POU3F1: variants seen among roughly 807,000 people sequenced by gnomAD.
The protein encoded by POU3F1 is POU domain, class 3, transcription factor 1.
A neutral mutation model predicts 7.6 loss-of-function variants in POU3F1; 1 was observed. The observed-to-expected ratio is 0.13, with a 90% CI of 0.05 to 0.62. The LOEUF is 0.62. Among genes scored for constraint, POU3F1 ranks in the 20% least tolerant of loss-of-function variants. The pLI, the probability that POU3F1 is intolerant of heterozygous loss-of-function variation, is 0.87. For missense variants in POU3F1, 505 were observed against 679.3 expected (o/e 0.74, Z 2.85); for synonymous variants, 354 against 339.0 (o/e 1.04, Z -0.49).
Position 38,046,642 on chromosome 1 carries a change from C to CGCT in POU3F1, c.101_102insAGC (p.Ala37dup). The CGCT allele has an allele frequency of 7.8e-7, 1 of 1,287,942 alleles. No individual in the cohort carries two copies. Among genetic ancestry groups the CGCT allele is most frequent in the African/African-American group, 1.6e-5 (1 of 63,664 alleles). 79.8% of individuals were successfully genotyped at this position (1,287,942 alleles called of 1,614,324 possible). On this transcript the variant is annotated inframe_insertion, in exon 1 of 1. Coordinates refer to ENST00000373012, the MANE Select transcript of POU3F1 (RefSeq NM_002699.4). The surrounding 1 kb of genome is among the most constrained non-coding windows in gnomAD (Gnocchi z 9.5). ...CTGCATGCAATCGCTCCGCGGCCGC[C>CGCT]GCCGCCGCCGCCGCCGCCGCGGCGT...
Position 38,045,373 on chromosome 1 carries a change from G to A in POU3F1, c.*15C>T, listed in dbSNP as rs1222369126. On this transcript the variant is annotated 3_prime_UTR_variant, in exon 1 of 1. Transcript: ENST00000373012. This position sits in a 1 kb window ranked among gnomAD's most constrained non-coding sequence, Gnocchi z 9.4. ...CGCGCCCTGCAGCGCGCCGGCGGGGGCCCGGCCCGCGGGGTCACTGCACTG... is the reference window on the plus strand; with the variant it reads ...CGCGCCCTGCAGCGCGCCGGCGGGGACCCGGCCCGCGGGGTCACTGCACTG... 1.7e-6 allele frequency: 2 copies of A among 1,176,350 alleles called. No individual in the cohort carries two copies. Among genetic ancestry groups the A allele is most frequent in the African/African-American group, 1.6e-5 (1 of 62,314 alleles). 72.9% of individuals were successfully genotyped at this position (1,176,350 alleles called of 1,614,324 possible).
rs1411856935 is a variant in POU3F1, at chr1:38,044,140, G to A, written c.*1248C>T. On this transcript the variant is annotated 3_prime_UTR_variant, in exon 1 of 1. Coordinates refer to ENST00000373012, the MANE Select transcript of POU3F1 (RefSeq NM_002699.4). ...AAAATCCTTTAGGGTAGGAAGGAAG[G>A]GTAACCCGGAAAACCAAAAATAAAA... is the stretch of plus-strand genomic sequence containing the variant. Among the ~76,000 whole-genome samples the A allele has an allele frequency of 2.0e-5, 3 of 152,186 alleles. No individual in the cohort carries two copies. The East Asian group carries it at 5.8e-4, about 29-fold the overall frequency.
rs1472760786 is a variant in POU3F1 at position 38,044,001 on chromosome 1, A to C, written c.*1387T>G. Among the ~76,000 whole-genome samples, 1 of 152,218 alleles carries C rather than the reference A, an allele frequency of 6.6e-6. No individual in the cohort carries two copies. Among genetic ancestry groups the C allele is most frequent in the Non-Finnish European group, 1.5e-5 (1 of 68,030 alleles). On this transcript the variant is annotated 3_prime_UTR_variant, in exon 1 of 1. Coordinates refer to ENST00000373012, the MANE Select transcript of POU3F1 (RefSeq NM_002699.4). ...AAAATTTAAATTCAAACCTTAACAAACAGAAGAAGAAACGGAGAAGGGGGA... is the reference window on the plus strand; with the variant it reads ...AAAATTTAAATTCAAACCTTAACAACCAGAAGAAGAAACGGAGAAGGGGGA...
In POU3F1 at chr1:38,046,368, C is replaced by T. The variant is rs1274447306; in HGVS notation, c.376G>A (p.Ala126Thr). 12 of 1,216,938 alleles carry T rather than the reference C, an allele frequency of 9.9e-6. No homozygotes were observed. The allele number at this position is 1,216,938 out of a possible 1,614,324, so 75.4% of individuals were successfully genotyped here. ...LVHQGAAHAGAAWAQGSTAHH... is the reference protein window; with the variant it reads ...LVHQGAAHAGTAWAQGSTAHH... The stretch of plus-strand genomic sequence containing the variant: ...GCTGTGCTGCCCTGCGCCCATGCCG[C>T]GCCCGCGTGGGCCGCCCCCTGGTGC... The change falls in exon 1 of 1, where the codon GCG becomes ACG. Residue 126 changes from alanine (A) to threonine (T), a missense_variant. This residue lies in a region of POU3F1 where 361 missense variants were observed against 382.1 expected (regional missense o/e 0.94). Transcript: ENST00000373012. This position sits in a 1 kb window ranked among gnomAD's most constrained non-coding sequence, Gnocchi z 9.5.
Position 38,045,474 on chromosome 1 carries a change from C to A in POU3F1, c.1270G>T (p.Ala424Ser). The A allele has an allele frequency of 6.8e-7, 1 of 1,466,274 alleles. No individual in the cohort carries two copies. Among genetic ancestry groups the A allele is most frequent in the Non-Finnish European group, 9.0e-7 (1 of 1,116,116 alleles). The allele number at this position is 1,466,274 out of a possible 1,614,324, so 90.8% of individuals were successfully genotyped here. ...GGTGGGGGCGCGGAGGGTGGCGATGCGCCGCCCCCGCCAGGCCCTAGCTCC... is the reference window on the plus strand; with the variant it reads ...GGTGGGGGCGCGGAGGGTGGCGATGAGCCGCCCCCGCCAGGCCCTAGCTCC... Reference protein sequence around the residue: ...PGELGPGGGGASPPSAPPPPP... With the variant: ...PGELGPGGGGSSPPSAPPPPP... Residue 424 changes from alanine (A) to serine (S), a missense_variant, in exon 1 of 1, where the codon GCA becomes TCA. Ala to Ser is a moderately conservative substitution (Grantham distance 99). Coordinates refer to ENST00000373012, the MANE Select transcript of POU3F1 (RefSeq NM_002699.4). The surrounding 1 kb of genome is among the most constrained non-coding windows in gnomAD (Gnocchi z 9.4).
rs1193455115 is a variant in POU3F1 at position 38,046,396 on chromosome 1, C to A, written c.348G>T (p.Leu116=). ...CCGCGTGGGCCGCCCCCTGGTGCAC[C>A]AGGCGCGCGTGGAAACCTCCGCCGC... ...GGGGGGFHAR[L]VHQGAAHAGA... The change falls in exon 1 of 1, where the codon CTG becomes CTT. Residue 116 remains leucine, a synonymous_variant. Coordinates refer to ENST00000373012, the MANE Select transcript of POU3F1 (RefSeq NM_002699.4). The surrounding 1 kb of genome is among the most constrained non-coding windows in gnomAD (Gnocchi z 9.5). 2 of 1,251,866 alleles carry A rather than the reference C, an allele frequency of 1.6e-6. No homozygotes were observed. The highest frequency in any genetic ancestry group is 2.0e-6 in the Non-Finnish European group (2 of 1,002,790). 77.5% of individuals were successfully genotyped at this position (1,251,866 alleles called of 1,614,324 possible).
rs762931590 is a variant in POU3F1, at chr1:38,045,808, C to T, written c.936G>A (p.Leu312=). 5.6e-6 allele frequency: 9 copies of T among 1,613,966 alleles called. No individual in the cohort carries two copies. The Admixed American group carries it at 1.5e-4, about 27-fold the overall frequency. ...SFKNMCKLKP[L]LNKWLEETDS... is the part of the protein sequence containing the mutation. ...CGGTCTCCTCCAGCCACTTGTTGAG[C>T]AGCGGCTTGAGCTTGCACATGTTCT... The change falls in exon 1 of 1, where the codon CTG becomes CTA. Residue 312 remains leucine, a synonymous_variant. Transcript: ENST00000373012. The surrounding 1 kb of genome is among the most constrained non-coding windows in gnomAD (Gnocchi z 9.4).
In POU3F1 at chr1:38,045,568, C is replaced by T; in HGVS notation, c.1176G>A (p.Gln392=). ...VVRVWFCNRR[Q]KEKRMTPAAG... ...CCGCAGGGGTCATGCGCTTCTCCTTCTGCCGCCGGTTGCAGAACCAGACGC... is the reference window on the plus strand; with the variant it reads ...CCGCAGGGGTCATGCGCTTCTCCTTTTGCCGCCGGTTGCAGAACCAGACGC... The change falls in exon 1 of 1, where the codon CAG becomes CAA. Residue 392 remains glutamine, a synonymous_variant. Coordinates refer to ENST00000373012, the MANE Select transcript of POU3F1 (RefSeq NM_002699.4). The surrounding 1 kb of genome is among the most constrained non-coding windows in gnomAD (Gnocchi z 9.4). 6.2e-7 allele frequency: 1 copy of T among 1,610,802 alleles called. No individual in the cohort carries two copies. Among genetic ancestry groups the T allele is most frequent in the Admixed American group, 1.7e-5 (1 of 59,692 alleles).
chr1:38,046,561 G>A lies in POU3F1; in HGVS notation c.183C>T (p.Gly61=), dbSNP rs1419570858. Residue 61 remains glycine, a synonymous_variant, in exon 1 of 1, where the codon GGC becomes GGT. Coordinates refer to ENST00000373012, the MANE Select transcript of POU3F1 (RefSeq NM_002699.4). This position sits in a 1 kb window ranked among gnomAD's most constrained non-coding sequence, Gnocchi z 9.5. The part of the protein sequence containing the change: ...KLMHHEWLGA[G]AGHPVGLAHP... ...GCGCTAGGCCCACGGGGTGGCCCGC[G>A]CCCGCGCCCAGCCACTCGTGGTGCA... 6.6e-6 allele frequency: 9 copies of A among 1,370,964 alleles called. No homozygotes were observed. Among genetic ancestry groups the A allele is most frequent in the Admixed American group, 3.0e-5 (1 of 33,066 alleles). The allele number at this position is 1,370,964 out of a possible 1,614,324, so 84.9% of individuals were successfully genotyped here.
In POU3F1 at chr1:38,046,573, C is replaced by T; in HGVS notation, c.171G>A (p.Trp57Ter). Reference sequence around the variant, plus strand: ...CGGGGTGGCCCGCGCCCGCGCCCAGCCACTCGTGGTGCATCAGCTTCTGCA... The same window carrying T: ...CGGGGTGGCCCGCGCCCGCGCCCAGTCACTCGTGGTGCATCAGCTTCTGCA... ...REVQKLMHHE[W>*]LGAGAGHPVG... is the part of the protein sequence containing the mutation. Residue 57 changes from tryptophan (W) to a stop codon, truncating the protein, a stop_gained, in exon 1 of 1, where the codon TGG (tryptophan) becomes TGA (stop). Transcript: ENST00000373012. LOFTEE classifies it low-confidence loss of function (END_TRUNC). This position sits in a 1 kb window ranked among gnomAD's most constrained non-coding sequence, Gnocchi z 9.5. 1 of 1,377,498 alleles carries T rather than the reference C, an allele frequency of 7.3e-7. No individual in the cohort carries two copies. Among genetic ancestry groups the T allele is most frequent in the Non-Finnish European group, 9.4e-7 (1 of 1,061,022 alleles). The allele number at this position is 1,377,498 out of a possible 1,614,324, so 85.3% of individuals were successfully genotyped here.
Position 38,046,379 on chromosome 1 carries a change from G to A in POU3F1, c.365C>T (p.Ala122Val). The change falls in exon 1 of 1, where the codon GCC (alanine) becomes GTC (valine). Residue 122 changes from alanine (A) to valine (V), a missense_variant. By Grantham distance (64) the Ala-to-Val change is moderately conservative. Transcript: ENST00000373012. The surrounding 1 kb of genome is among the most constrained non-coding windows in gnomAD (Gnocchi z 9.5). ...CTGCGCCCATGCCGCGCCCGCGTGG[G>A]CCGCCCCCTGGTGCACCAGGCGCGC... The part of the protein sequence containing the change: ...FHARLVHQGA[A>V]HAGAAWAQGS... 1 of 1,225,694 alleles carries A rather than the reference G, an allele frequency of 8.2e-7. No homozygotes were observed. The highest frequency in any genetic ancestry group is 1.0e-6 in the Non-Finnish European group (1 of 988,742). The allele number at this position is 1,225,694 out of a possible 1,614,324, so 75.9% of individuals were successfully genotyped here.
chr1:38,045,682 G>T lies in POU3F1; in HGVS notation c.1062C>A (p.Leu354=). The T allele has an allele frequency of 6.2e-7, 1 of 1,613,104 alleles. No individual in the cohort carries two copies. The highest frequency in any genetic ancestry group is 8.5e-7 in the Non-Finnish European group (1 of 1,179,632). ...TGGGGCACTTGAGAAAGTGGCTCTCGAGCGCGCCTTTGACCCCCACCTCGA... is the reference window on the plus strand; with the variant it reads ...TGGGGCACTTGAGAAAGTGGCTCTCTAGCGCGCCTTTGACCCCCACCTCGA... ...TSIEVGVKGA[L]ESHFLKCPKP... The change falls in exon 1 of 1, where the codon CTC becomes CTA. Residue 354 remains leucine (L), a synonymous_variant. Coordinates refer to ENST00000373012, the MANE Select transcript of POU3F1 (RefSeq NM_002699.4). This position sits in a 1 kb window ranked among gnomAD's most constrained non-coding sequence, Gnocchi z 9.4.
rs755376205 is a variant in POU3F1, at chr1:38,045,735, C to T, written c.1009G>A (p.Gly337Ser). 1.2e-6 allele frequency: 2 copies of T among 1,613,476 alleles called. No individual in the cohort carries two copies. The highest frequency in any genetic ancestry group is 1.7e-6 in the Non-Finnish European group (2 of 1,179,808). The part of the protein sequence containing the change: ...PTNLDKIAAQ[G>S]RKRKKRTSIE... ...GACGTGCGCTTCTTGCGCTTGCGGC[C>T]CTGCGCCGCGATCTTGTCCAGGTTG... is the stretch of plus-strand genomic sequence containing the variant. Residue 337 changes from glycine to serine, a missense_variant, in exon 1 of 1, where the codon GGC (glycine) becomes AGC (serine). Coordinates refer to ENST00000373012, the MANE Select transcript of POU3F1 (RefSeq NM_002699.4). The surrounding 1 kb of genome is among the most constrained non-coding windows in gnomAD (Gnocchi z 9.4).
rs1228743881 is a variant in POU3F1, at chr1:38,043,902, TA to T, written c.*1485del. Reference sequence around the variant, plus strand: ...ATAAAGGGAACTTCCCAGTCTACATTATTTTTTTTTCAATAAAGATACAAAG... The same window carrying T: ...ATAAAGGGAACTTCCCAGTCTACATTTTTTTTTTTCAATAAAGATACAAAG... On this transcript the variant is annotated 3_prime_UTR_variant, in exon 1 of 1. Coordinates refer to ENST00000373012, the MANE Select transcript of POU3F1 (RefSeq NM_002699.4). This position sits in a 1 kb window ranked among gnomAD's most constrained non-coding sequence, Gnocchi z 4.5. 3.9e-4 allele frequency among the ~76,000 whole-genome samples: 59 copies of T among 152,082 alleles called. 1 individual carries two copies. Among genetic ancestry groups the T allele is most frequent in the Admixed American group, 3.8e-3 (58 of 15,264 alleles).
chr1:38,046,597 C>A lies in POU3F1; in HGVS notation c.147G>T (p.Val49=). 2.2e-6 allele frequency: 3 copies of A among 1,383,042 alleles called. No homozygotes were observed. Among genetic ancestry groups the A allele is most frequent in the Non-Finnish European group, 1.9e-6 (2 of 1,062,854 alleles). The allele number at this position is 1,383,042 out of a possible 1,614,324, so 85.7% of individuals were successfully genotyped here. The change falls in exon 1 of 1, where the codon GTG becomes GTT. Residue 49 remains valine, a synonymous_variant. Transcript: ENST00000373012. The surrounding 1 kb of genome is among the most constrained non-coding windows in gnomAD (Gnocchi z 9.5). ...GCCACTCGTGGTGCATCAGCTTCTGCACTTCGCGGTACGCGGCCCCTGCAT... is the reference window on the plus strand; with the variant it reads ...GCCACTCGTGGTGCATCAGCTTCTGAACTTCGCGGTACGCGGCCCCTGCAT... ...RLHAGAAYRE[V]QKLMHHEWLG...
chr1:38,046,195 C>G lies in POU3F1; in HGVS notation c.549G>C (p.Ala183=). ...AGMLAAGGGG[A]GPGLHHALHE... ...GCAGCGCGTGGTGCAGGCCCGGCCC[C>G]GCGCCGCCACCGCCCGCCGCCAGCA... Residue 183 remains alanine (A), a synonymous_variant, in exon 1 of 1, where the codon GCG becomes GCC. Coordinates refer to ENST00000373012, the MANE Select transcript of POU3F1 (RefSeq NM_002699.4). The surrounding 1 kb of genome is among the most constrained non-coding windows in gnomAD (Gnocchi z 9.5). The G allele has an allele frequency of 8.9e-7, 1 of 1,125,576 alleles. No individual in the cohort carries two copies. The highest frequency in any genetic ancestry group is 5.1e-5 in the East Asian group (1 of 19,552). The allele number at this position is 1,125,576 out of a possible 1,614,324, so 69.7% of individuals were successfully genotyped here.
chr1:38,046,537 C>A lies in POU3F1; in HGVS notation c.207G>T (p.Ala69=). Reference sequence around the variant, plus strand: ...CTCCCGTGGGTAGCCACTGGGGGTGCGCTAGGCCCACGGGGTGGCCCGCGC... The same window carrying A: ...CTCCCGTGGGTAGCCACTGGGGGTGAGCTAGGCCCACGGGGTGGCCCGCGC... ...GAGAGHPVGL[A]HPQWLPTGGG... The change falls in exon 1 of 1, where the codon GCG becomes GCT. Residue 69 remains alanine, a synonymous_variant. Coordinates refer to ENST00000373012, the MANE Select transcript of POU3F1 (RefSeq NM_002699.4). This position sits in a 1 kb window ranked among gnomAD's most constrained non-coding sequence, Gnocchi z 9.5. 2 of 1,373,566 alleles carry A rather than the reference C, an allele frequency of 1.5e-6. No homozygotes were observed. The highest frequency in any genetic ancestry group is 1.6e-5 in the South Asian group (1 of 63,692). The allele number at this position is 1,373,566 out of a possible 1,614,324, so 85.1% of individuals were successfully genotyped here. A position where few individuals can be genotyped will look rare whatever the true frequency, so the allele number is the denominator to read the frequency against.
chr1:38,046,156 G>A lies in POU3F1; in HGVS notation c.588C>T (p.His196=), dbSNP rs1276750690. 7.2e-7 allele frequency: 1 copy of A among 1,385,834 alleles called. No individual in the cohort carries two copies. The highest frequency in any genetic ancestry group is 9.3e-7 in the Non-Finnish European group (1 of 1,070,600). The allele number at this position is 1,385,834 out of a possible 1,614,324, so 85.8% of individuals were successfully genotyped here. ...GCGGCGACGGCTCCAGCTGCGCCTC[G>A]TGGCCATCCTCGTGCAGCGCGTGGT... The part of the protein sequence containing the change: ...GLHHALHEDG[H]EAQLEPSPPP... The change falls in exon 1 of 1, where the codon CAC becomes CAT. Residue 196 remains histidine (H), a synonymous_variant. Coordinates refer to ENST00000373012, the MANE Select transcript of POU3F1 (RefSeq NM_002699.4). The surrounding 1 kb of genome is among the most constrained non-coding windows in gnomAD (Gnocchi z 9.5).
chr1:38,045,453 G>A lies in POU3F1; in HGVS notation c.1291C>T (p.Pro431Ser). ...TGCAGCGCCGCCGGCGGGGGCGGTG[G>A]GGGCGCGGAGGGTGGCGATGCGCCG... ...GGGASPPSAP[P>S]PPPPAALHHH... Residue 431 changes from proline to serine, a missense_variant, in exon 1 of 1, where the codon CCA becomes TCA. This residue lies in a region of POU3F1 where 72 missense variants were observed against 93.7 expected (regional missense o/e 0.77). Transcript: ENST00000373012. The surrounding 1 kb of genome is among the most constrained non-coding windows in gnomAD (Gnocchi z 9.4). 1 of 1,446,410 alleles carries A rather than the reference G, an allele frequency of 6.9e-7. No homozygotes were observed. The highest frequency in any genetic ancestry group is 1.5e-5 in the South Asian group (1 of 68,210). 89.6% of individuals were successfully genotyped at this position (1,446,410 alleles called of 1,614,324 possible).
Sources: gnomAD v4.1 joint callset for allele counts (sites outside exome capture counted in the v4.1 genomes callset) on GRCh38, gnomAD v4.1.1 for gene constraint, gnomAD v4.1.1 regional missense constraint, Gnocchi (gnomAD v3.1) non-coding constraint, MANE v1.5 for transcripts, NCBI Gene and HGNC (gene_info 2026-07-23, HGNC 2026-07-21) for gene names.